PPP1R1A: variants seen among roughly 807,000 people sequenced by gnomAD.
PPP1R1A encodes the protein protein phosphatase 1 regulatory inhibitor subunit 1A, also known as protein phosphatase 1 regulatory subunit 1A.
A neutral mutation model predicts 23.9 loss-of-function variants in PPP1R1A; 18 were observed. The ratio of observed to expected loss-of-function variants is 0.75; its 90% CI spans 0.52 to 1.12. The LOEUF is 1.12. Among genes scored for constraint, PPP1R1A ranks in the 50% most tolerant of loss-of-function variants. PPP1R1A has a pLI of 0.00. For synonymous variants in PPP1R1A, 84 were observed against 80.7 expected (o/e 1.04, Z -0.22); for missense variants, 207 against 223.8 (o/e 0.92, Z 0.48).
chr12:54,587,791 G>T (rs1273321572), intron 1 of PPP1R1A, among the ~76,000 whole-genome samples: 1 of 152,080 alleles, frequency 6.6e-6, no homozygotes, highest in Non-Finnish European at 1.5e-5. Context: ...GAGACTTGAA[G>T]AAGGGAGCCT....
rs1393259643 is a variant in PPP1R1A, at chr12:54,581,224, A to AT, written c.404-175dup. ...GTTTTCTTTGATCACAATTACTACTATATGTTCACTTTTAAAAAATCTTCA... is the reference window on the plus strand; with the variant it reads ...GTTTTCTTTGATCACAATTACTACTATTATGTTCACTTTTAAAAAATCTTCA... On this transcript the variant is annotated intron_variant, in intron 5 of 6. Transcript: ENST00000257905. The surrounding 1 kb of genome is among the most constrained non-coding windows in gnomAD (Gnocchi z 4.1). Among the ~76,000 whole-genome samples the AT allele has an allele frequency of 6.6e-6, 1 of 152,180 alleles. No homozygotes were observed. Among genetic ancestry groups the AT allele is most frequent in the African/African-American group, 2.4e-5 (1 of 41,432 alleles).
At chr12:54,584,181 C>T (rs1957885763) in intron 2 of PPP1R1A, 79 bp downstream of exon 2, 21 of 1,363,398 alleles carry the variant, frequency 1.5e-5, no homozygotes, top group Admixed American at 1.4e-4. Context: ...GTTCTTCTTC[C>T]ATCTAGCGCC....
rs1957858158 is a variant in PPP1R1A, at chr12:54,581,839, A to G, written c.403+137T>C. Reference sequence around the variant, plus strand: ...ATATGCCGAACATGCCAACAGATCCATATCCTTGAGACAGTTTTTGCCTAC... The same window carrying G: ...ATATGCCGAACATGCCAACAGATCCGTATCCTTGAGACAGTTTTTGCCTAC... On this transcript the variant is annotated intron_variant, in intron 5 of 6. Transcript: ENST00000257905. This position sits in a 1 kb window ranked among gnomAD's most constrained non-coding sequence, Gnocchi z 4.1. 2.2e-6 allele frequency: 2 copies of G among 891,734 alleles called. No individual in the cohort carries two copies. The highest frequency in any genetic ancestry group is 5.9e-5 in the Admixed American group (2 of 33,906). 55.2% of individuals were successfully genotyped at this position (891,734 alleles called of 1,614,324 possible). A position where few individuals can be genotyped will look rare whatever the true frequency, so the allele number is the denominator to read the frequency against.
At chr12:54,580,630 A>G (rs1957845763) in intron 6 of PPP1R1A, among the ~76,000 whole-genome samples, 1 of 152,236 alleles carries the variant, frequency 6.6e-6, no homozygotes, top group African/African-American at 2.4e-5. Flanking sequence ...TGCCCACTTC[A>G]GCTGGGCAGG....
chr12:54,581,932 G>A lies in PPP1R1A; in HGVS notation c.403+44C>T. On this transcript the variant is annotated intron_variant, in intron 5 of 6. Coordinates refer to ENST00000257905, the MANE Select transcript of PPP1R1A (RefSeq NM_006741.4). The surrounding 1 kb of genome is among the most constrained non-coding windows in gnomAD (Gnocchi z 4.1). ...GTGGGTAAGGCTTGCCTCCTGCTGGGCTGGGAAATAGGATGCCTGGGGCCC... is the reference window on the plus strand; with the variant it reads ...GTGGGTAAGGCTTGCCTCCTGCTGGACTGGGAAATAGGATGCCTGGGGCCC... 6.4e-7 allele frequency: 1 copy of A among 1,573,328 alleles called. No individual in the cohort carries two copies. Among genetic ancestry groups the A allele is most frequent in the Non-Finnish European group, 8.6e-7 (1 of 1,158,454 alleles).
Position 54,579,826 on chromosome 12 carries a change from C to G in PPP1R1A, c.*561G>C, listed in dbSNP as rs917149118. 1.3e-5 allele frequency: 13 copies of G among 985,492 alleles called. No homozygotes were observed. Among genetic ancestry groups the G allele is most frequent in the African/African-American group, 1.2e-4 (7 of 57,178 alleles). 61.0% of individuals were successfully genotyped at this position (985,492 alleles called of 1,614,324 possible). A position where few individuals can be genotyped will look rare whatever the true frequency, so the allele number is the denominator to read the frequency against. On this transcript the variant is annotated 3_prime_UTR_variant, in exon 7 of 7. Coordinates refer to ENST00000257905, the MANE Select transcript of PPP1R1A (RefSeq NM_006741.4). ...GCTTGGAGGGCAGGCGAGGAGGTAT[C>G]GGCACACCACCATACCCTCTTTCCC...
At chr12:54,582,665 G>C in intron 4 of PPP1R1A, 67 bp downstream of exon 4, 2 of 1,548,990 alleles carry the variant, frequency 1.3e-6, no homozygotes, top group Non-Finnish European at 1.8e-6. Context: ...CCCTTCCAAA[G>C]GGCATTCGGT....
intron 1 of PPP1R1A, among the ~76,000 whole-genome samples, chr12:54,586,382 T>C (rs1957910825): frequency 6.6e-6 from 1 of 152,164 alleles, no homozygotes; most frequent in African/African-American, 2.4e-5. Context: ...CTCTTTTCCT[T>C]TTCTCATACC....
At chr12:54,582,617 C>G in intron 4 of PPP1R1A, 115 bp downstream of exon 4, 1 of 1,270,794 alleles carries the variant, frequency 7.9e-7, no homozygotes, top group Non-Finnish European at 1.1e-6. Context: ...GTTCGTCTAG[C>G]AACAGTTCTA....
chr12:54,580,419 G>T (rs757157376), intron 6 of PPP1R1A, 27 bp from the exon 7 acceptor site: 1 of 1,598,314 alleles, frequency 6.3e-7, no homozygotes, highest in Non-Finnish European at 8.6e-7. Flanking sequence ...GGGACAGAAA[G>T]AGAAGGTGAG....
In PPP1R1A at chr12:54,581,068, G is replaced by A. The variant is rs756547486; in HGVS notation, c.404-18C>T. The A allele has an allele frequency of 6.4e-6, 10 of 1,561,042 alleles. No individual in the cohort carries two copies. In the Admixed American group the frequency reaches 1.7e-4, roughly 26 times the overall value. On this transcript the variant is annotated intron_variant, in intron 5 of 6. Coordinates refer to ENST00000257905, the MANE Select transcript of PPP1R1A (RefSeq NM_006741.4). This position sits in a 1 kb window ranked among gnomAD's most constrained non-coding sequence, Gnocchi z 4.1. The stretch of plus-strand genomic sequence containing the variant: ...TGCAGTTTCTGGGGAGGGAACATAG[G>A]GGTGGGAGGAAGAGGTGGCATTCAT...
chr12:54,579,942 C>CGCCGAGTCTTCCA lies in PPP1R1A; in HGVS notation c.*432_*444dup. On this transcript the variant is annotated 3_prime_UTR_variant, in exon 7 of 7. Transcript: ENST00000257905. ...GCTGGACACGGCACAGGCCTTAGAG[C>CGCCGAGTCTTCCA]GCCGAGTCTTCCAGCTGCAGGGCAG... 2.0e-6 allele frequency: 2 copies of CGCCGAGTCTTCCA among 993,982 alleles called. No individual in the cohort carries two copies. Among genetic ancestry groups the CGCCGAGTCTTCCA allele is most frequent in the African/African-American group, 1.7e-5 (1 of 57,560 alleles). 61.6% of individuals were successfully genotyped at this position (993,982 alleles called of 1,614,324 possible). A position where few individuals can be genotyped will look rare whatever the true frequency, so the allele number is the denominator to read the frequency against.
chr12:54,584,443 T>C, intron 1 of PPP1R1A, 123 bp from the exon 2 acceptor site: 1 of 858,426 alleles, frequency 1.2e-6, no homozygotes, highest in East Asian at 2.7e-5. Context: ...AAATGCCATG[T>C]TAATGCAGCT....
Position 54,579,492 on chromosome 12 carries a change from G to A in PPP1R1A, c.*895C>T. The stretch of plus-strand genomic sequence containing the variant: ...GTACCACATGCTTCAGCAGGGAGGG[G>A]GAAAGAATCTTGCCTTCCCTCCTTT... On this transcript the variant is annotated 3_prime_UTR_variant, in exon 7 of 7. Coordinates refer to ENST00000257905, the MANE Select transcript of PPP1R1A (RefSeq NM_006741.4). 1.0e-6 allele frequency: 1 copy of A among 985,340 alleles called. No homozygotes were observed. Among genetic ancestry groups the A allele is most frequent in the Non-Finnish European group, 1.2e-6 (1 of 829,928 alleles). 61.0% of individuals were successfully genotyped at this position (985,340 alleles called of 1,614,324 possible). A position where few individuals can be genotyped will look rare whatever the true frequency, so the allele number is the denominator to read the frequency against.
At position 54,581,157 on chromosome 12, in the gene PPP1R1A, G is replaced by T; in HGVS notation, c.404-107C>A. 1 of 805,628 alleles carries T rather than the reference G, an allele frequency of 1.2e-6. No homozygotes were observed. The highest frequency in any genetic ancestry group is 2.0e-6 in the Non-Finnish European group (1 of 492,890). The allele number at this position is 805,628 out of a possible 1,614,324, so 49.9% of individuals were successfully genotyped here. On this transcript the variant is annotated intron_variant, in intron 5 of 6. Transcript: ENST00000257905. This position sits in a 1 kb window ranked among gnomAD's most constrained non-coding sequence, Gnocchi z 4.1. ...CCATACCCCAGTGGCCCCTGAGAGG[G>T]CCCCAGGACCAAGTTGGGTGCAATC...
At chr12:54,588,256 A>ACCAC in intron 1 of PPP1R1A, 149 bp downstream of exon 1, 1 of 180,668 alleles carries the variant, frequency 5.5e-6, no homozygotes, top group South Asian at 1.6e-4. Context: ...GGGACAGAAG[A>ACCAC]CCCCCCCCCG....
At position 54,588,337 on chromosome 12, in the gene PPP1R1A, T is replaced by G. The variant is rs548649585; in HGVS notation, c.84+68A>C. ...GGGAGGACTAGGCAGGGATCCTGGG[T>G]CCCACCAGTCCAGGGGTCCCTCGTC... On this transcript the variant is annotated intron_variant, in intron 1 of 6. Coordinates refer to ENST00000257905, the MANE Select transcript of PPP1R1A (RefSeq NM_006741.4). The G allele has an allele frequency of 3.2e-6, 4 of 1,246,202 alleles. No homozygotes were observed. In the Admixed American group the frequency reaches 8.3e-5, roughly 26 times the overall value. 77.2% of individuals were successfully genotyped at this position (1,246,202 alleles called of 1,614,324 possible). A position where few individuals can be genotyped will look rare whatever the true frequency, so the allele number is the denominator to read the frequency against.
intron 3 of PPP1R1A, 71 bp downstream of exon 3, chr12:54,583,140 G>T: frequency 6.8e-7 from 1 of 1,465,196 alleles, no homozygotes; most frequent in Non-Finnish European, 9.2e-7. Flanking sequence ...GGGCGGCAGG[G>T]TTTTAAGGAA....
rs777997055 is a variant in PPP1R1A at position 54,582,032 on chromosome 12, G to A, written c.347C>T (p.Pro116Leu). Residue 116 changes from proline (P) to leucine (L), a missense_variant, in exon 5 of 7, where the codon CCT (proline) becomes CTT (leucine). Transcript: ENST00000257905. ...ESTGTQESRP[P>L]GIPDTEVESR... ...CTCCACTTCTGTGTCTGGGATCCCA[G>A]GTGGGCGGGACTCCTGGGTTCCTGT... The A allele has an allele frequency of 1.9e-6, 3 of 1,613,674 alleles. No individual in the cohort carries two copies. Among genetic ancestry groups the A allele is most frequent in the South Asian group, 2.2e-5 (2 of 91,064 alleles).
Sources: allele counts gnomAD v4.1 joint callset (sites outside exome capture counted in the v4.1 genomes callset), GRCh38; gene constraint gnomAD v4.1.1; non-coding constraint Gnocchi (gnomAD v3.1); transcripts MANE v1.5; gene names NCBI Gene and HGNC (gene_info 2026-07-23, HGNC 2026-07-21).